Variants in C8orf88 observed in about 807,000 individuals in gnomAD.
C8orf88 encodes the protein uncharacterized protein C8orf88.
Under a neutral mutation model 18.4 loss-of-function variants are expected in C8orf88, and 14 were observed. The ratio of observed to expected loss-of-function variants is 0.76; its 90% CI spans 0.50 to 1.19. C8orf88 has a LOEUF of 1.19. C8orf88 is among the 50% of genes most tolerant of loss of function. The pLI, the probability that C8orf88 is intolerant of heterozygous loss-of-function variation, is 0.00. For missense variants in C8orf88, 116 were observed against 134.7 expected, an observed-to-expected ratio of 0.86 and a Z score of 0.69; for synonymous variants, 45 against 42.9, an observed-to-expected ratio of 1.05 and a Z score of -0.19.
intron 3 of C8orf88, among the ~76,000 whole-genome samples, chr8:90,975,303 A>G (rs1413683268): frequency 1.3e-5 from 2 of 152,156 alleles, no homozygotes; most frequent in Non-Finnish European, 2.9e-5. Flanking sequence ...GTAGACTATA[A>G]AGTGCAATAT....
intron 3 of C8orf88, among the ~76,000 whole-genome samples, chr8:90,978,098 T>G (rs2130322179): frequency 6.6e-6 from 1 of 152,296 alleles, no homozygotes; most frequent in South Asian, 2.1e-4. Flanking sequence ...GGAGGGAAAC[T>G]TTTCAATAAA....
rs541134717 is a variant in C8orf88 at position 90,973,328 on chromosome 8, A to G, written c.148-2187T>C. On this transcript the variant is annotated intron_variant, in intron 3 of 5. Transcript: ENST00000517562. ...GGAATAAAGGAATAGCCTTGTACTG[A>G]AGAGCATGGGAAAATATGGCTAGTT... 3.3e-5 allele frequency among the ~76,000 whole-genome samples: 5 copies of G among 152,264 alleles called. No individual in the cohort carries two copies. The South Asian group carries it at 1.0e-3, about 32-fold the overall frequency.
In C8orf88 at chr8:90,985,104, A is replaced by G. The variant is rs1214304018; in HGVS notation, c.-27+10T>C. 1.3e-5 allele frequency: 2 copies of G among 152,062 alleles called. No individual in the cohort carries two copies. Among genetic ancestry groups the G allele is most frequent in the Admixed American group, 1.3e-4 (2 of 15,278 alleles). 9.4% of individuals were successfully genotyped at this position (152,062 alleles called of 1,614,324 possible). A position where few individuals can be genotyped will look rare whatever the true frequency, so the allele number is the denominator to read the frequency against. On this transcript the variant is annotated intron_variant, in intron 1 of 5. Coordinates refer to ENST00000517562, the MANE Select transcript of C8orf88 (RefSeq NM_001190972.2). ...TCCCCCAGTGTCGCTCATCCTCCCT[A>G]GCCACTTACCGACTCAAAATCCACG...
At chr8:90,961,193 GTTACT>G (rs141056404) in intron 4 of C8orf88, among the ~76,000 whole-genome samples, 2 of 151,462 alleles carry the variant, frequency 1.3e-5, no homozygotes, top group Non-Finnish European at 3.0e-5. Flanking sequence ...CTGCCAAAAT[GTTACT>G]TTAATGAGTC....
intron 5 of C8orf88, 65 bp downstream of exon 5, chr8:90,960,677 T>G: frequency 1.1e-6 from 1 of 921,014 alleles, no homozygotes; most frequent in Non-Finnish European, 1.6e-6. Context: ...TAGAGTCTGA[T>G]GAAAATGTTA....
chr8:90,975,563 T>G (rs1455237442), intron 3 of C8orf88, among the ~76,000 whole-genome samples: 1 of 151,874 alleles, frequency 6.6e-6, no homozygotes, highest in African/African-American at 2.4e-5. Flanking sequence ...TCACTAAACA[T>G]TAGGAAAATG....
chr8:90,958,759 C>A lies in C8orf88; in HGVS notation c.*248G>T. 2 of 397,800 alleles carry A rather than the reference C, an allele frequency of 5.0e-6. No homozygotes were observed. Among genetic ancestry groups the A allele is most frequent in the Non-Finnish European group, 4.5e-6 (1 of 223,386 alleles). 24.6% of individuals were successfully genotyped at this position (397,800 alleles called of 1,614,324 possible). On this transcript the variant is annotated 3_prime_UTR_variant, in exon 6 of 6. Transcript: ENST00000517562. ...GCAAATTATAAATATACAGTCTTCC[C>A]ACTTCACTAACCAAATTCCTACTTT...
At chr8:90,981,016 C>A (rs1229799823) in intron 1 of C8orf88, among the ~76,000 whole-genome samples, 1 of 152,154 alleles carries the variant, frequency 6.6e-6, no homozygotes, top group Non-Finnish European at 1.5e-5. Flanking sequence ...AGCTAAAACT[C>A]ATCTATGCTC....
At chr8:90,973,009 C>T (rs909992327) in intron 3 of C8orf88, among the ~76,000 whole-genome samples, 2 of 152,140 alleles carry the variant, frequency 1.3e-5, no homozygotes, top group African/African-American at 2.4e-5. Context: ...ATGCCTATGA[C>T]ATGACAAGCA....
intron 1 of C8orf88, among the ~76,000 whole-genome samples, chr8:90,983,245 TATAA>T (rs1811459724): frequency 6.6e-6 from 1 of 152,158 alleles, no homozygotes; most frequent in South Asian, 2.1e-4. Context: ...AGTTTTGTGG[TATAA>T]ATGTTTTTTA....
chr8:90,984,274 TA>T (rs1418721231), intron 1 of C8orf88, among the ~76,000 whole-genome samples: 2 of 152,228 alleles, frequency 1.3e-5, no homozygotes, highest in Non-Finnish European at 2.9e-5. Flanking sequence ...GATAACCAGA[TA>T]AAATTTCATC....
At chr8:90,959,843 G>A (rs927515660) in intron 5 of C8orf88, among the ~76,000 whole-genome samples, 10 of 151,102 alleles carry the variant, frequency 6.6e-5, no homozygotes, top group African/African-American at 4.8e-5. Context: ...AGGTATTTAC[G>A]AAAACTCTAA....
intron 5 of C8orf88, 136 bp from the exon 6 acceptor site, chr8:90,959,166 T>A (rs1010172009): frequency 4.5e-6 from 2 of 446,122 alleles, no homozygotes; most frequent in Non-Finnish European, 3.9e-6. Flanking sequence ...ACTATTAAAG[T>A]AACTAGAACT....
At chr8:90,968,561 G>A (rs1379507222) in intron 4 of C8orf88, among the ~76,000 whole-genome samples, 1 of 147,288 alleles carries the variant, frequency 6.8e-6, no homozygotes, top group Non-Finnish European at 1.5e-5. Flanking sequence ...GCAACAAAAG[G>A]AAAAATAGTT....
At chr8:90,971,003 AT>A (rs1811273715) in intron 4 of C8orf88, 62 bp downstream of exon 4, 20 of 954,040 alleles carry the variant, frequency 2.1e-5, no homozygotes, top group Non-Finnish European at 3.1e-5. Flanking sequence ...ATAAAGTAAT[AT>A]TAACTTTATA....
chr8:90,971,328 A>C (rs1056687175), intron 3 of C8orf88, among the ~76,000 whole-genome samples, 187 bp from the exon 4 acceptor site: 2 of 151,410 alleles, frequency 1.3e-5, no homozygotes, highest in Non-Finnish European at 2.9e-5. Context: ...ATTCACATAT[A>C]TCTACAGTTT....
chr8:90,968,612 C>G (rs1268141713), intron 4 of C8orf88, among the ~76,000 whole-genome samples: 4 of 128,998 alleles, frequency 3.1e-5, no homozygotes, highest in Non-Finnish European at 6.5e-5. Context: ...TTAAGACACC[C>G]TATCAAGAGA....
At chr8:90,973,315 T>C (rs1249386604) in intron 3 of C8orf88, among the ~76,000 whole-genome samples, 1 of 152,074 alleles carries the variant, frequency 6.6e-6, no homozygotes, top group Non-Finnish European at 1.5e-5. Context: ...AATAAAGGAA[T>C]AGCCTTGTAC....
chr8:90,971,029 T>G (rs896775554), intron 4 of C8orf88, 37 bp downstream of exon 4: 9 of 1,229,004 alleles, frequency 7.3e-6, no homozygotes, highest in Non-Finnish European at 9.0e-6. Context: ...TGCTAAGACA[T>G]TCAATGATAA....
Sources: allele counts gnomAD v4.1 joint callset (sites outside exome capture counted in the v4.1 genomes callset), GRCh38; gene constraint gnomAD v4.1.1; transcripts MANE v1.5; gene names NCBI Gene and HGNC (gene_info 2026-07-23, HGNC 2026-07-21).